The following HNRNPH3 variants were observed in gnomAD, a reference collection of about 807,000 sequenced individuals.
HNRNPH3 encodes the protein heterogeneous nuclear ribonucleoprotein H3, also known as heterogeneous nuclear ribonucleoprotein 2H9.
Under a neutral mutation model 47.0 loss-of-function variants are expected in HNRNPH3, and 7 were observed. The ratio of observed to expected loss-of-function variants is 0.15; its 90% CI spans 0.08 to 0.28. HNRNPH3 has a LOEUF of 0.28. Ranked by LOEUF, HNRNPH3 falls within the 10% of genes least tolerant of loss-of-function variation. HNRNPH3 has a pLI of 1.00. For synonymous variants in HNRNPH3, 120 were observed against 143.2 expected, an observed-to-expected ratio of 0.84 and a Z score of 1.16; for missense variants, 279 against 449.6, an observed-to-expected ratio of 0.62 and a Z score of 3.43.
At chr10:68,340,728 A>G (rs2045861961) in intron 6 of HNRNPH3, among the ~76,000 whole-genome samples, 1 of 152,188 alleles carries the variant, frequency 6.6e-6, no homozygotes, top group African/African-American at 2.4e-5. Context: ...ACAATTTCAT[A>G]TAGTCTTAAA....
rs1361111710 is a variant in HNRNPH3, at chr10:68,342,727, A to C, written c.*673A>C. ...GTAAAACCCCTTCAGCACTTGACCG[A>C]AATACCAAAAATGTCTCCAAAAAAT... is the stretch of plus-strand genomic sequence containing the variant. On this transcript the variant is annotated 3_prime_UTR_variant, in exon 10 of 10. Coordinates refer to ENST00000265866, the MANE Select transcript of HNRNPH3 (RefSeq NM_012207.3). The C allele has an allele frequency of 1.3e-5, 2 of 152,602 alleles. No individual in the cohort carries two copies. The highest frequency in any genetic ancestry group is 2.9e-5 in the Non-Finnish European group (2 of 68,034). The allele number at this position is 152,602 out of a possible 1,614,324, so 9.5% of individuals were successfully genotyped here. A position where few individuals can be genotyped will look rare whatever the true frequency, so the allele number is the denominator to read the frequency against.
At chr10:68,339,029 A>G (rs2045680156) in intron 4 of HNRNPH3, 111 bp from the exon 5 acceptor site, 5 of 791,370 alleles carry the variant, frequency 6.3e-6, no homozygotes, top group African/African-American at 3.5e-5. Flanking sequence ...GGGAATTGCA[A>G]ACTTGCAATC....
In HNRNPH3 at chr10:68,341,183, C is replaced by T; in HGVS notation, c.649C>T (p.Pro217Ser). 6.4e-7 allele frequency: 1 copy of T among 1,565,550 alleles called. No homozygotes were observed. The highest frequency in any genetic ancestry group is 8.6e-7 in the Non-Finnish European group (1 of 1,161,082). Residue 217 changes from proline (P) to serine (S), a missense_variant, in exon 7 of 10, where the codon CCA becomes TCA. Coordinates refer to ENST00000265866, the MANE Select transcript of HNRNPH3 (RefSeq NM_012207.3). Reference protein sequence around the residue: ...TENDIANFFSPLNPIRVHIDI... With the variant: ...TENDIANFFSSLNPIRVHIDI... ...GTTTCCTTTTATTTAGTTCTTCTCA[C>T]CACTAAATCCAATACGAGTTCATAT...
chr10:68,336,262 G>T (rs1304279141), intron 1 of HNRNPH3, among the ~76,000 whole-genome samples: 2 of 152,144 alleles, frequency 1.3e-5, no homozygotes, highest in Admixed American at 1.3e-4. Flanking sequence ...TAAGGTTCTG[G>T]TAAGTTTCTG....
intron 1 of HNRNPH3, among the ~76,000 whole-genome samples, chr10:68,336,404 C>G (rs2475879): frequency 1.3e-5 from 2 of 152,092 alleles, no homozygotes; most frequent in African/African-American, 4.8e-5. Context: ...CTAGATGTAC[C>G]TTTTATGCTT....
intron 6 of HNRNPH3, 87 bp downstream of exon 6, chr10:68,339,642 G>T: frequency 1.3e-6 from 1 of 775,242 alleles, no homozygotes; most frequent in Non-Finnish European, 2.1e-6. Flanking sequence ...CATGTTTATA[G>T]CTTAATACCA....
chr10:68,338,959 TA>T (rs1564752497), intron 4 of HNRNPH3, 180 bp from the exon 5 acceptor site: 1 of 546,358 alleles, frequency 1.8e-6, no homozygotes, highest in Admixed American at 3.6e-5. Context: ...TGAACTTAAT[TA>T]ACTTTCTGAG....
chr10:68,339,402 T>C (rs993471267), intron 5 of HNRNPH3, 38 bp from the exon 6 acceptor site: 5 of 1,563,684 alleles, frequency 3.2e-6, no homozygotes, highest in Non-Finnish European at 4.4e-6. Context: ...TACTTGTATC[T>C]GTAATAGTTT....
intron 1 of HNRNPH3, among the ~76,000 whole-genome samples, chr10:68,334,489 C>A (rs192704974): frequency 5.9e-5 from 9 of 152,124 alleles, no homozygotes; most frequent in Non-Finnish European, 1.2e-4. Flanking sequence ...AGTACATTCA[C>A]AGCGTTGTGT....
chr10:68,334,699 A>C (rs1429960326), intron 1 of HNRNPH3, among the ~76,000 whole-genome samples: 3 of 152,184 alleles, frequency 2.0e-5, no homozygotes, highest in Non-Finnish European at 4.4e-5. Flanking sequence ...ATTATACTTA[A>C]AGTCTCATAA....
chr10:68,339,344 T>C, intron 5 of HNRNPH3, 96 bp from the exon 6 acceptor site: 2 of 1,528,226 alleles, frequency 1.3e-6, no homozygotes, highest in Non-Finnish European at 1.8e-6. Flanking sequence ...TTTCAGTGCA[T>C]TCCTATATAG....
Position 68,338,503 on chromosome 10 carries a change from G to A in HNRNPH3, c.252G>A (p.Arg84=), listed in dbSNP as rs2045652962. The change falls in exon 4 of 10, where the codon AGG becomes AGA. Residue 84 remains arginine, a splice_region_variant and synonymous_variant. Transcript: ENST00000265866. The stretch of plus-strand genomic sequence containing the variant: ...TGTACCTTAAAACATTTTTAAATAG[G>A]TATATTGAGATCTTCAGAAGTAGCA... ...LGKHKERIGH[R]YIEIFRSSRS... 2.5e-6 allele frequency: 4 copies of A among 1,592,840 alleles called. No individual in the cohort carries two copies. Among genetic ancestry groups the A allele is most frequent in the Non-Finnish European group, 3.4e-6 (4 of 1,162,352 alleles).
At chr10:68,335,710 A>T (rs928082274) in intron 1 of HNRNPH3, among the ~76,000 whole-genome samples, 9 of 152,154 alleles carry the variant, frequency 5.9e-5, no homozygotes, top group African/African-American at 2.2e-4. Flanking sequence ...GCCATCAGTA[A>T]ATGCTTACCA....
At chr10:68,334,470 G>A (rs574699429) in intron 1 of HNRNPH3, among the ~76,000 whole-genome samples, 2 of 152,226 alleles carry the variant, frequency 1.3e-5, no homozygotes, top group South Asian at 4.1e-4. Context: ...GTACAGTTTA[G>A]TGGATTTTAG....
At position 68,338,619 on chromosome 10, in the gene HNRNPH3, G is replaced by A; in HGVS notation, c.368G>A (p.Gly123Asp). 1 of 1,613,040 alleles carries A rather than the reference G, an allele frequency of 6.2e-7. No individual in the cohort carries two copies. The highest frequency in any genetic ancestry group is 8.5e-7 in the Non-Finnish European group (1 of 1,179,446). ...GATAGACCAATAGGAGGAAGAGGGG[G>A]TTATTATGGAGCTGGGCGTGGAAGT... is the stretch of plus-strand genomic sequence containing the variant. ...PYDRPIGGRGGYYGAGRGSMY... is the reference protein window; with the variant it reads ...PYDRPIGGRGDYYGAGRGSMY... The change falls in exon 4 of 10, where the codon GGT becomes GAT. Residue 123 changes from glycine to aspartate, a missense_variant. Around this residue, in one of 2 missense-constraint regions of HNRNPH3, gnomAD observed 239 missense variants for 335.8 expected, o/e 0.71. Coordinates refer to ENST00000265866, the MANE Select transcript of HNRNPH3 (RefSeq NM_012207.3).
intron 7 of HNRNPH3, 71 bp from the exon 8 acceptor site, chr10:68,341,513 TA>T (rs942028286): frequency 8.7e-7 from 1 of 1,148,898 alleles, no homozygotes; most frequent in African/African-American, 1.6e-5. Context: ...TGATCTTTTT[TA>T]CAAAGCTTGT....
In HNRNPH3 at chr10:68,337,257, C is replaced by T. The variant is rs763598081; in HGVS notation, c.36C>T (p.Asp12=). Residue 12 remains aspartate, a synonymous_variant, in exon 2 of 10, where the codon GAC becomes GAT. Transcript: ENST00000265866. The surrounding 1 kb of genome is among the most constrained non-coding windows in gnomAD (Gnocchi z 4.5). ...DWVMKHNGPN[D]ASDGTVRLRG... ...TTATGAAACATAATGGTCCAAATGA[C>T]GCTAGTGATGGGACAGTACGACTTC... 12 of 1,612,124 alleles carry T rather than the reference C, an allele frequency of 7.4e-6. No individual in the cohort carries two copies. The highest frequency in any genetic ancestry group is 1.3e-5 in the African/African-American group (1 of 74,832).
chr10:68,335,227 TTTC>T (rs1220443988), intron 1 of HNRNPH3, among the ~76,000 whole-genome samples: 2 of 146,828 alleles, frequency 1.4e-5, no homozygotes, highest in African/African-American at 2.5e-5. Flanking sequence ...AATTTTTCTT[TTTC>T]TTTTCTTTTT....
At position 68,338,067 on chromosome 10, in the gene HNRNPH3, G is replaced by T. The variant is rs564209436; in HGVS notation, c.251+71G>T. On this transcript the variant is annotated intron_variant, in intron 3 of 9. Coordinates refer to ENST00000265866, the MANE Select transcript of HNRNPH3 (RefSeq NM_012207.3). ...GGTTGTGGGTCACTATTGCTTAAATGGGGGGGTAGCCATAACATTTTTCTG... is the reference window on the plus strand; with the variant it reads ...GGTTGTGGGTCACTATTGCTTAAATTGGGGGGTAGCCATAACATTTTTCTG... The T allele has an allele frequency of 1.8e-5, 21 of 1,160,076 alleles. No homozygotes were observed. In the Admixed American group the frequency reaches 2.7e-4, roughly 15 times the overall value. The allele number at this position is 1,160,076 out of a possible 1,614,324, so 71.9% of individuals were successfully genotyped here.
Sources: allele counts gnomAD v4.1 joint callset (sites outside exome capture counted in the v4.1 genomes callset), GRCh38; gene constraint gnomAD v4.1.1; regional missense constraint gnomAD v4.1.1; non-coding constraint Gnocchi (gnomAD v3.1); transcripts MANE v1.5; gene names NCBI Gene and HGNC (gene_info 2026-07-23, HGNC 2026-07-21).